The following HELB variants were observed in gnomAD, a reference collection of about 807,000 sequenced individuals.
HELB encodes the protein DNA 5'-3' helicase B.
HELB carries 96 observed loss-of-function variants against 101.7 expected under a neutral mutation model. The ratio of observed to expected loss-of-function variants is 0.94; its 90% CI spans 0.80 to 1.12. HELB has a LOEUF of 1.12. HELB is among the 50% of genes most tolerant of loss of function. HELB has a pLI of 0.00. For synonymous variants in HELB, 437 were observed against 459.7 expected, an observed-to-expected ratio of 0.95 and a Z score of 0.63; for missense variants, 1,210 against 1,291.9, an observed-to-expected ratio of 0.94 and a Z score of 0.97.
In HELB at chr12:66,315,385, T is replaced by C; in HGVS notation, c.2000+2T>C. On this transcript the variant is annotated splice_donor_variant, in intron 6 of 12. Coordinates refer to ENST00000247815, the MANE Select transcript of HELB (RefSeq NM_001370285.1). LOFTEE classifies it high-confidence loss of function. ...GCTCATTGTGGACAATGCTACAAGGTATAATATTACTAAGAGTTTGCATTT... is the reference window on the plus strand; with the variant it reads ...GCTCATTGTGGACAATGCTACAAGGCATAATATTACTAAGAGTTTGCATTT... 6.4e-7 allele frequency: 1 copy of C among 1,556,150 alleles called. No individual in the cohort carries two copies. The highest frequency in any genetic ancestry group is 8.7e-7 in the Non-Finnish European group (1 of 1,155,168).
intron 7 of HELB, among the ~76,000 whole-genome samples, chr12:66,320,589 C>T (rs1421434368): frequency 6.6e-6 from 1 of 152,130 alleles, no homozygotes; most frequent in Non-Finnish European, 1.5e-5. Context: ...CCATTCTTTG[C>T]ATTAATGAGA....
In HELB at chr12:66,315,225, A is replaced by T; in HGVS notation, c.1859-17A>T. 1.3e-6 allele frequency: 2 copies of T among 1,533,768 alleles called. No individual in the cohort carries two copies. The highest frequency in any genetic ancestry group is 2.6e-5 in the South Asian group (2 of 78,396). Reference sequence around the variant, plus strand: ...TTCTCAGAGTAAGTCTTGCTACTGTATCTTTTTTTCTTTTAGGTGACATTA... The same window carrying T: ...TTCTCAGAGTAAGTCTTGCTACTGTTTCTTTTTTTCTTTTAGGTGACATTA... On this transcript the variant is annotated splice_polypyrimidine_tract_variant and intron_variant, in intron 5 of 12. Transcript: ENST00000247815.
At chr12:66,327,389 T>C (rs752174043) in intron 11 of HELB, among the ~76,000 whole-genome samples, 1 of 152,172 alleles carries the variant, frequency 6.6e-6, no homozygotes, top group Non-Finnish European at 1.5e-5. Flanking sequence ...CATATTAGAC[T>C]TCCAGAAGTA....
rs780424852 is a variant in HELB at position 66,309,953 on chromosome 12, G to A, written c.1025G>A (p.Gly342Asp). Residue 342 changes from glycine (G) to aspartate (D), a missense_variant, in exon 4 of 13, where the codon GGT (glycine) becomes GAT (aspartate). Gly to Asp is a moderately conservative substitution (Grantham distance 94, BLOSUM62 -1). Coordinates refer to ENST00000247815, the MANE Select transcript of HELB (RefSeq NM_001370285.1). Reference sequence around the variant, plus strand: ...TCTCTGAAGTTTTTGAAGGATATTGGTGTGGTGACATATGAGAAGTCCTGT... The same window carrying A: ...TCTCTGAAGTTTTTGAAGGATATTGATGTGGTGACATATGAGAAGTCCTGT... ...SESLKFLKDI[G>D]VVTYEKSCVF... is the part of the protein sequence containing the mutation. 6.2e-7 allele frequency: 1 copy of A among 1,614,176 alleles called. No homozygotes were observed. The highest frequency in any genetic ancestry group is 8.5e-7 in the Non-Finnish European group (1 of 1,180,020).
chr12:66,316,098 A>G (rs1324044927), intron 6 of HELB, among the ~76,000 whole-genome samples: 1 of 152,188 alleles, frequency 6.6e-6, no homozygotes, highest in African/African-American at 2.4e-5. Context: ...TTACATACAC[A>G]CAAATACTTA....
At position 66,325,003 on chromosome 12, in the gene HELB, T is replaced by G; in HGVS notation, c.2547T>G (p.Phe849Leu). Residue 849 changes from phenylalanine (F) to leucine (L), a missense_variant, in exon 11 of 13, where the codon TTT becomes TTG. Physicochemically the swap from Phe to Leu is conservative, Grantham distance 22. Coordinates refer to ENST00000247815, the MANE Select transcript of HELB (RefSeq NM_001370285.1). ...FITNDVTDVTFGKRRSLTINN... is the reference protein window; with the variant it reads ...FITNDVTDVTLGKRRSLTINN... Reference sequence around the variant, plus strand: ...GACAGGATGTAACTGATGTAACTTTTGGAAAGAGAAGATCTTTGACCATTA... The same window carrying G: ...GACAGGATGTAACTGATGTAACTTTGGGAAAGAGAAGATCTTTGACCATTA... 1 of 1,612,692 alleles carries G rather than the reference T, an allele frequency of 6.2e-7. No homozygotes were observed.
chr12:66,328,085 C>A (rs2053763048), intron 11 of HELB, among the ~76,000 whole-genome samples: 1 of 151,980 alleles, frequency 6.6e-6, no homozygotes, highest in African/African-American at 2.4e-5. Flanking sequence ...CTGTGGGAGA[C>A]TGACAGGAAA....
intron 7 of HELB, among the ~76,000 whole-genome samples, chr12:66,320,113 A>G (rs556646434): frequency 2.9e-4 from 44 of 152,256 alleles, no homozygotes; most frequent in South Asian, 1.7e-3. Context: ...AAACTTAACT[A>G]AATACTTACC....
At chr12:66,335,842 T>C (rs2053860772) in intron 12 of HELB, among the ~76,000 whole-genome samples, 1 of 152,088 alleles carries the variant, frequency 6.6e-6, no homozygotes, top group Admixed American at 6.6e-5. Flanking sequence ...GATAAAGCAG[T>C]TCCAAGCTGA....
chr12:66,317,770 G>T (rs1043856404), intron 6 of HELB, among the ~76,000 whole-genome samples: 1 of 152,166 alleles, frequency 6.6e-6, no homozygotes, highest in African/African-American at 2.4e-5. Flanking sequence ...AGCAAAACAG[G>T]AAATCTATGA....
At chr12:66,334,198 A>G (rs2053840157) in intron 12 of HELB, among the ~76,000 whole-genome samples, 1 of 149,182 alleles carries the variant, frequency 6.7e-6, no homozygotes, top group Non-Finnish European at 1.5e-5. Flanking sequence ...GTGGTGGCTC[A>G]CACTTGTAAT....
At chr12:66,316,676 G>T (rs1378065464) in intron 6 of HELB, among the ~76,000 whole-genome samples, 1 of 151,738 alleles carries the variant, frequency 6.6e-6, no homozygotes, top group East Asian at 1.9e-4. Flanking sequence ...CTGAGGTCAG[G>T]AGTTTGAGAC....
intron 9 of HELB, among the ~76,000 whole-genome samples, chr12:66,323,276 G>A (rs1259303348): frequency 6.6e-6 from 1 of 151,912 alleles, no homozygotes; most frequent in Non-Finnish European, 1.5e-5. Flanking sequence ...ATATGTATAA[G>A]GTATAGGTGG....
Position 66,302,614 on chromosome 12 carries a change from C to A in HELB, c.11C>A (p.Ser4Ter). The part of the protein sequence containing the change: MAR[S>*]SPYLRQLQGP... ...GAGTTCAGGAGAAGCATGGCCAGGT[C>A]GAGTCCGTACCTGCGCCAACTTCAG... Residue 4 changes from serine (S) to a stop codon, truncating the protein, a stop_gained, in exon 1 of 13, where the codon TCG becomes TAG. Transcript: ENST00000247815. LOFTEE classifies it high-confidence loss of function. 1 of 1,613,554 alleles carries A rather than the reference C, an allele frequency of 6.2e-7. No individual in the cohort carries two copies. Among genetic ancestry groups the A allele is most frequent in the Non-Finnish European group, 8.5e-7 (1 of 1,179,556 alleles).
intron 10 of HELB, 61 bp downstream of exon 10, chr12:66,324,272 T>A: frequency 1.8e-6 from 2 of 1,128,318 alleles, no homozygotes. Context: ...GTTATTTTAT[T>A]GTCCTAGGAT....
Position 66,324,225 on chromosome 12 carries a change from G to T in HELB, c.2526+14G>T. 2 of 1,513,046 alleles carry T rather than the reference G, an allele frequency of 1.3e-6. No homozygotes were observed. The highest frequency in any genetic ancestry group is 2.8e-5 in the African/African-American group (2 of 72,556). 93.7% of individuals were successfully genotyped at this position (1,513,046 alleles called of 1,614,324 possible). ...TTCATAACAAATGTAAGTGAAAACA[G>T]AAGATAATATCTTTTAACTAATTAG... On this transcript the variant is annotated intron_variant, in intron 10 of 12. Coordinates refer to ENST00000247815, the MANE Select transcript of HELB (RefSeq NM_001370285.1).
rs772628710 is a variant in HELB at position 66,306,441 on chromosome 12, C to T, written c.704C>T (p.Ser235Leu). 9 of 1,609,746 alleles carry T rather than the reference C, an allele frequency of 5.6e-6. No individual in the cohort carries two copies. The highest frequency in any genetic ancestry group is 7.6e-6 in the Non-Finnish European group (9 of 1,178,060). ...CGACACTTTAAATGGATCATAGGGTCAGGTTCTAAAGAGATGTTGAAAGAG... is the reference window on the plus strand; with the variant it reads ...CGACACTTTAAATGGATCATAGGGTTAGGTTCTAAAGAGATGTTGAAAGAG... ...LPRHFKWIIGSGSKEMLKEIE... is the reference protein window; with the variant it reads ...LPRHFKWIIGLGSKEMLKEIE... Residue 235 changes from serine to leucine, a missense_variant, in exon 3 of 13, where the codon TCA becomes TTA. By Grantham distance (145) the Ser-to-Leu change is moderately radical. Transcript: ENST00000247815.
At chr12:66,309,639 T>C in intron 3 of HELB, 67 bp from the exon 4 acceptor site, 1 of 1,072,924 alleles carries the variant, frequency 9.3e-7, no homozygotes, top group South Asian at 2.1e-5. Context: ...TAAAAAATTA[T>C]TAATAAAGAA....
chr12:66,322,061 A>G (rs2053676668), intron 8 of HELB, 32 bp downstream of exon 8: 1 of 834,748 alleles, frequency 1.2e-6, no homozygotes, highest in Non-Finnish European at 1.9e-6. Context: ...AATGTTTTTA[A>G]TCTAGCTTTT....
Sources: gnomAD v4.1 joint callset for allele counts (sites outside exome capture counted in the v4.1 genomes callset) on GRCh38, gnomAD v4.1.1 for gene constraint, MANE v1.5 for transcripts, NCBI Gene and HGNC (gene_info 2026-07-23, HGNC 2026-07-21) for gene names.